TXNDC9: variants seen among roughly 807,000 people sequenced by gnomAD.
TXNDC9 encodes thioredoxin domain-containing protein 9.
TXNDC9 carries 7 observed loss-of-function variants against 23.0 expected under a neutral mutation model. The observed-to-expected ratio is 0.30, with a 90% CI of 0.17 to 0.57. TXNDC9 has a LOEUF of 0.57. TXNDC9 is among the 20% of genes least tolerant of loss of function. The pLI, the probability that TXNDC9 is intolerant of heterozygous loss-of-function variation, is 0.90. For synonymous variants in TXNDC9, 72 were observed against 90.6 expected, an observed-to-expected ratio of 0.79 and a Z score of 1.17; for missense variants, 198 against 252.6, an observed-to-expected ratio of 0.78 and a Z score of 1.47.
chr2:99,335,259 C>T (rs2094235920), intron 1 of TXNDC9, among the ~76,000 whole-genome samples: 1 of 152,118 alleles, frequency 6.6e-6, no homozygotes, highest in African/African-American at 2.4e-5. Flanking sequence ...AGATTCTGAC[C>T]CACACAGGCC....
intron 1 of TXNDC9, among the ~76,000 whole-genome samples, chr2:99,334,451 T>C (rs935144272): frequency 2.0e-5 from 3 of 152,208 alleles, no homozygotes; most frequent in African/African-American, 7.2e-5. Context: ...TTATAGACTA[T>C]TTACACAAAC....
the TXNDC9 span, among the ~76,000 whole-genome samples, chr2:99,310,737 AG>A: frequency 6.6e-6 from 1 of 152,116 alleles, no homozygotes; most frequent in Non-Finnish European, 1.5e-5. Context: ...GATAGAGGGA[AG>A]GGGCCAGGCG....
chr2:99,321,266 G>GT (rs1262323909), intron 4 of TXNDC9: 1 of 152,098 alleles, frequency 6.6e-6, no homozygotes, highest in Non-Finnish European at 1.5e-5. Flanking sequence ...CTCTGGAATG[G>GT]TAAGTGCACA....
the TXNDC9 span, among the ~76,000 whole-genome samples, chr2:99,308,701 AT>A: frequency 5.3e-5 from 8 of 152,114 alleles, no homozygotes; most frequent in African/African-American, 1.9e-4. Context: ...AAATTTAAAC[AT>A]TTTTAAAATA....
chr2:99,313,021 G>A, the TXNDC9 span, among the ~76,000 whole-genome samples: 2 of 152,078 alleles, frequency 1.3e-5, no homozygotes, highest in Non-Finnish European at 2.9e-5. Flanking sequence ...AATTAGCCGG[G>A]TGTGGTGACG....
chr2:99,335,122 A>T (rs548936972), intron 1 of TXNDC9, among the ~76,000 whole-genome samples: 2 of 152,366 alleles, frequency 1.3e-5, no homozygotes, highest in South Asian at 4.1e-4. Context: ...TGCAGAAATG[A>T]TTTATAATTT....
chr2:99,326,016 C>CA (rs1254329878), intron 3 of TXNDC9, among the ~76,000 whole-genome samples: 65 of 138,508 alleles, frequency 4.7e-4, no homozygotes, highest in South Asian at 1.9e-3. Flanking sequence ...GTCTCAAAAA[C>CA]AAAAAAAAAC....
At chr2:99,320,814 T>C (rs1481548438) in intron 4 of TXNDC9, among the ~76,000 whole-genome samples, 1 of 152,124 alleles carries the variant, frequency 6.6e-6, no homozygotes, top group Admixed American at 6.6e-5. Context: ...ATAAAGACAA[T>C]GATAAAACAA....
chr2:99,335,383 T>C (rs1038416437), intron 1 of TXNDC9, among the ~76,000 whole-genome samples: 5 of 152,224 alleles, frequency 3.3e-5, no homozygotes, highest in Admixed American at 6.5e-5. Flanking sequence ...TGTATCTCCA[T>C]AGAACACAGC....
At chr2:99,322,768 TTTA>T in intron 3 of TXNDC9, 2 of 1,344,752 alleles carry the variant, frequency 1.5e-6, no homozygotes, top group Non-Finnish European at 1.9e-6. Context: ...TTTTTTATTT[TTTA>T]TTTTTTTGGA....
At chr2:99,323,906 C>T (rs1013539541) in intron 3 of TXNDC9, among the ~76,000 whole-genome samples, 5 of 152,094 alleles carry the variant, frequency 3.3e-5, no homozygotes, top group South Asian at 2.1e-4. Context: ...AGTGCAGTGG[C>T]GCGATCTCGG....
chr2:99,321,860 A>T, intron 4 of TXNDC9, 95 bp downstream of exon 4: 5 of 1,337,260 alleles, frequency 3.7e-6, no homozygotes, highest in Non-Finnish European at 5.0e-6. Flanking sequence ...AAAATGCCTT[A>T]ATTTCATAAA....
chr2:99,317,979 C>T (rs2094193400), downstream of TXNDC9, among the ~76,000 whole-genome samples: 7 of 152,208 alleles, frequency 4.6e-5, no homozygotes, highest in Admixed American at 4.6e-4. Flanking sequence ...CAACCTCTGC[C>T]TCTCGCGTTC....
intron 3 of TXNDC9, among the ~76,000 whole-genome samples, chr2:99,323,878 C>A (rs987866181): frequency 6.6e-6 from 1 of 152,162 alleles, no homozygotes; most frequent in African/African-American, 2.4e-5. Flanking sequence ...TGGACTCTCA[C>A]TCTGTCACCC....
chr2:99,316,951 T>C (rs1044902507), downstream of TXNDC9, among the ~76,000 whole-genome samples: 5 of 152,140 alleles, frequency 3.3e-5, no homozygotes, highest in Middle Eastern at 0.01. Context: ...AGAGACGGGG[T>C]TTCACGGTGT....
chr2:99,309,789 C>T, the TXNDC9 span, among the ~76,000 whole-genome samples: 1 of 152,124 alleles, frequency 6.6e-6, no homozygotes, highest in African/African-American at 2.4e-5. Context: ...CAGGTTCAAG[C>T]GATTCTCTTG....
In TXNDC9 at chr2:99,327,661, GGA is replaced by G. The variant is rs1491358244; in HGVS notation, c.190-10_190-9del. 6.3e-7 allele frequency: 1 copy of G among 1,574,864 alleles called. No individual in the cohort carries two copies. Among genetic ancestry groups the G allele is most frequent in the East Asian group, 2.2e-5 (1 of 44,580 alleles). On this transcript the variant is annotated splice_polypyrimidine_tract_variant and intron_variant, in intron 2 of 4. Transcript: ENST00000264255. ...TCCTTTAGAAAGCCATTCCTAATTT[GGA>G]GAGAGGCAAAACATTACACATGTGA...
Position 99,319,776 on chromosome 2 carries a change from A to T in TXNDC9, c.587T>A (p.Phe196Tyr). ...NYSGNLMEPPFQNQKKFGTNF... is the reference protein window; with the variant it reads ...NYSGNLMEPPYQNQKKFGTNF... Reference sequence around the variant, plus strand: ...TGTTCCAAATTTCTTTTGGTTCTGAAATGGTGGCTCCATTAAATTTCCACT... The same window carrying T: ...TGTTCCAAATTTCTTTTGGTTCTGATATGGTGGCTCCATTAAATTTCCACT... The change falls in exon 5 of 5, where the codon TTT becomes TAT. Residue 196 changes from phenylalanine to tyrosine, a missense_variant. Phe to Tyr is a conservative substitution (Grantham distance 22). Transcript: ENST00000264255. 8 of 1,592,418 alleles carry T rather than the reference A, an allele frequency of 5.0e-6. No homozygotes were observed. Among genetic ancestry groups the T allele is most frequent in the Non-Finnish European group, 6.8e-6 (8 of 1,173,912 alleles).
At chr2:99,311,108 C>T in the TXNDC9 span, among the ~76,000 whole-genome samples, 1 of 152,246 alleles carries the variant, frequency 6.6e-6, no homozygotes, top group African/African-American at 2.4e-5. Context: ...TCACTGTAAC[C>T]TCAAACTCCT....
Sources: allele counts gnomAD v4.1 joint callset (sites outside exome capture counted in the v4.1 genomes callset), GRCh38; gene constraint gnomAD v4.1.1; transcripts MANE v1.5; gene names NCBI Gene and HGNC (gene_info 2026-07-23, HGNC 2026-07-21).